The following SRSF10 variants were observed in gnomAD, a reference collection of about 807,000 sequenced individuals.
The protein encoded by SRSF10 is serine and arginine rich splicing factor 10, also known as serine/arginine-rich splicing factor 10.
A neutral mutation model predicts 32.6 loss-of-function variants in SRSF10; 9 were observed. That is an observed-to-expected ratio of 0.28 (90% CI 0.17 to 0.48). SRSF10 has a LOEUF of 0.48. SRSF10 is among the 20% of genes least tolerant of loss of function. The pLI, the probability that SRSF10 is intolerant of heterozygous loss-of-function variation, is 0.99. For missense variants in SRSF10, 201 were observed against 331.8 expected, an observed-to-expected ratio of 0.61 and a Z score of 3.06; for synonymous variants, 105 against 112.4, an observed-to-expected ratio of 0.93 and a Z score of 0.42.
In SRSF10 at chr1:23,970,716, C is replaced by G. The variant is rs1641706255; in HGVS notation, c.*426G>C. On this transcript the variant is annotated 3_prime_UTR_variant, in exon 6 of 6. Transcript: ENST00000492112. Reference sequence around the variant, plus strand: ...CACCCTGAACCTAAATGTGTCTGAGCAGTCAGTGTTGTACTGTGGCTACTA... The same window carrying G: ...CACCCTGAACCTAAATGTGTCTGAGGAGTCAGTGTTGTACTGTGGCTACTA... 1 of 990,718 alleles carries G rather than the reference C, an allele frequency of 1.0e-6. No individual in the cohort carries two copies. The highest frequency in any genetic ancestry group is 1.2e-6 in the Non-Finnish European group (1 of 833,626). 61.4% of individuals were successfully genotyped at this position (990,718 alleles called of 1,614,324 possible).
At chr1:23,978,966 T>A in intron 1 of SRSF10, 149 bp from the exon 2 acceptor site, 1 of 552,376 alleles carries the variant, frequency 1.8e-6, no homozygotes, top group Admixed American at 3.4e-5. Context: ...CAGACATATG[T>A]ATGGTACAAG....
intron 2 of SRSF10, 171 bp downstream of exon 2, chr1:23,978,542 A>G: frequency 1.2e-6 from 1 of 865,380 alleles, no homozygotes; most frequent in Non-Finnish European, 1.6e-6. Flanking sequence ...CCATTTTTGG[A>G]TTAACTTTAA....
chr1:23,979,941 G>A (rs1437961455), intron 1 of SRSF10, among the ~76,000 whole-genome samples: 2 of 152,220 alleles, frequency 1.3e-5, no homozygotes, highest in Middle Eastern at 3.4e-3. Flanking sequence ...GGGAGAAAGG[G>A]GCTGCAAACT....
At chr1:23,980,143 C>A (rs1335160687) in intron 1 of SRSF10, 48 bp downstream of exon 1, 1 of 1,518,422 alleles carries the variant, frequency 6.6e-7, no homozygotes, top group Non-Finnish European at 8.8e-7. Flanking sequence ...CCTCTCCAGG[C>A]GCCTGCGGCC....
In SRSF10 at chr1:23,969,844, T is replaced by C. The variant is rs1641638134; in HGVS notation, c.*1298A>G. ...CCTTTTCCCCAAATTACCTTAAATT[T>C]CATGGCACCACAGAATCACCTAGAA... On this transcript the variant is annotated 3_prime_UTR_variant, in exon 6 of 6. Transcript: ENST00000492112. 2.0e-6 allele frequency: 2 copies of C among 985,416 alleles called. No individual in the cohort carries two copies. Among genetic ancestry groups the C allele is most frequent in the South Asian group, 9.4e-5 (2 of 21,282 alleles). The allele number at this position is 985,416 out of a possible 1,614,324, so 61.0% of individuals were successfully genotyped here. A position where few individuals can be genotyped will look rare whatever the true frequency, so the allele number is the denominator to read the frequency against.
intron 2 of SRSF10, chr1:23,976,754 A>ACTCTT (rs1642116219): frequency 6.6e-6 from 1 of 152,242 alleles, no homozygotes; most frequent in Non-Finnish European, 1.5e-5. Context: ...GACAGAAGAG[A>ACTCTT]CAGCAGCAGC....
Position 23,971,178 on chromosome 1 carries a change from TGATCTAGATTTTGACCTA to T in SRSF10, c.735_752del (p.Lys248_Ser253del). On this transcript the variant is annotated inframe_deletion, in exon 6 of 6. Coordinates refer to ENST00000492112, the MANE Select transcript of SRSF10 (RefSeq NM_054016.4). ...TGGACTTAGGACTAGTCCAAGACCT[TGATCTAGATTTTGACCTA>T]GACCTAGACTGTGATCTTGACTGAG... The T allele has an allele frequency of 6.2e-7, 1 of 1,613,710 alleles. No individual in the cohort carries two copies. The highest frequency in any genetic ancestry group is 8.5e-7 in the Non-Finnish European group (1 of 1,179,904).
chr1:23,974,832 C>T, intron 3 of SRSF10, 142 bp downstream of exon 3: 1 of 507,132 alleles, frequency 2.0e-6, no homozygotes, highest in Non-Finnish European at 3.3e-6. Flanking sequence ...GACTCCGTCT[C>T]AAAAAAAAAA....
intron 2 of SRSF10, 99 bp downstream of exon 2, chr1:23,978,614 G>A: frequency 7.2e-7 from 1 of 1,398,562 alleles, no homozygotes; most frequent in Non-Finnish European, 9.4e-7. Flanking sequence ...ACATTTATTA[G>A]AGGACAAAAA....
intron 1 of SRSF10, among the ~76,000 whole-genome samples, chr1:23,979,822 G>C (rs1424629092): frequency 6.6e-6 from 1 of 151,898 alleles, no homozygotes; most frequent in Non-Finnish European, 1.5e-5. Flanking sequence ...AAAAATCTCT[G>C]GGCCAAGGGG....
In SRSF10 at chr1:23,971,273, C is replaced by T; in HGVS notation, c.658G>A (p.Gly220Ser). The T allele has an allele frequency of 6.2e-7, 1 of 1,613,896 alleles. No homozygotes were observed. The highest frequency in any genetic ancestry group is 8.5e-7 in the Non-Finnish European group (1 of 1,179,910). ...KTDSKTHYKS[G>S]SRYEKESRKK... is the part of the protein sequence containing the mutation. ...CTTGATTCCTTTTCATATCTTGAGC[C>T]AGACTTATAATGTGTTTTGGAATCT... Residue 220 changes from glycine to serine, a missense_variant, in exon 6 of 6, where the codon GGC (glycine) becomes AGC (serine). Physicochemically the swap from Gly to Ser is moderately conservative, Grantham distance 56. Coordinates refer to ENST00000492112, the MANE Select transcript of SRSF10 (RefSeq NM_054016.4).
Position 23,969,786 on chromosome 1 carries a change from A to C in SRSF10, c.*1356T>G. 1 of 985,424 alleles carries C rather than the reference A, an allele frequency of 1.0e-6. No homozygotes were observed. Among genetic ancestry groups the C allele is most frequent in the Non-Finnish European group, 1.2e-6 (1 of 829,890 alleles). The allele number at this position is 985,424 out of a possible 1,614,324, so 61.0% of individuals were successfully genotyped here. On this transcript the variant is annotated 3_prime_UTR_variant, in exon 6 of 6. Coordinates refer to ENST00000492112, the MANE Select transcript of SRSF10 (RefSeq NM_054016.4). ...GTACTACACTGATAATCGAAAGCTC[A>C]AAAGATGTGACTCTTGCTTAAAACT... is the stretch of plus-strand genomic sequence containing the variant.
intron 1 of SRSF10, 145 bp downstream of exon 1, chr1:23,980,046 G>A: frequency 1.2e-6 from 1 of 853,752 alleles, no homozygotes; most frequent in Non-Finnish European, 1.7e-6. Context: ...GGCCCGCTGC[G>A]CGGCCTAGTT....
At position 23,964,729 on chromosome 1, in the gene SRSF10, C is replaced by T. The variant is rs1641370226; in HGVS notation, c.*6413G>A. On this transcript the variant is annotated 3_prime_UTR_variant, in exon 6 of 6. Coordinates refer to ENST00000492112, the MANE Select transcript of SRSF10 (RefSeq NM_054016.4). The stretch of plus-strand genomic sequence containing the variant: ...GAGGGACAGAGTGCATCTCTAAAAC[C>T]TCTTACACAAATTAGGAAAAAGTTG... The T allele has an allele frequency of 6.6e-6, 1 of 152,012 alleles. No homozygotes were observed. The highest frequency in any genetic ancestry group is 1.9e-4 in the East Asian group (1 of 5,178). 9.4% of individuals were successfully genotyped at this position (152,012 alleles called of 1,614,324 possible).
In SRSF10 at chr1:23,969,369, G is replaced by A. The variant is rs1165248702; in HGVS notation, c.*1773C>T. 9 of 985,446 alleles carry A rather than the reference G, an allele frequency of 9.1e-6. No homozygotes were observed. The South Asian group carries it at 1.4e-4, about 15-fold the overall frequency. 61.0% of individuals were successfully genotyped at this position (985,446 alleles called of 1,614,324 possible). A position where few individuals can be genotyped will look rare whatever the true frequency, so the allele number is the denominator to read the frequency against. On this transcript the variant is annotated 3_prime_UTR_variant, in exon 6 of 6. Coordinates refer to ENST00000492112, the MANE Select transcript of SRSF10 (RefSeq NM_054016.4). Reference sequence around the variant, plus strand: ...GAAAATCTAAAAAAATTAAAGAAACGTGCATATAAACGATTGCATAGCAGA... The same window carrying A: ...GAAAATCTAAAAAAATTAAAGAAACATGCATATAAACGATTGCATAGCAGA...
chr1:23,966,710 T>C lies in SRSF10; in HGVS notation c.*4432A>G, dbSNP rs1641468016. ...TTGGTGAGGCAGAGTAAACAATTTA[T>C]TATAACTCTAGTATATTACAGTCAC... On this transcript the variant is annotated 3_prime_UTR_variant, in exon 6 of 6. Coordinates refer to ENST00000492112, the MANE Select transcript of SRSF10 (RefSeq NM_054016.4). 1 of 152,034 alleles carries C rather than the reference T, an allele frequency of 6.6e-6. No homozygotes were observed. Among genetic ancestry groups the C allele is most frequent in the Non-Finnish European group, 1.5e-5 (1 of 67,928 alleles). 9.4% of individuals were successfully genotyped at this position (152,034 alleles called of 1,614,324 possible). A position where few individuals can be genotyped will look rare whatever the true frequency, so the allele number is the denominator to read the frequency against.
chr1:23,971,547 G>A, intron 5 of SRSF10, 26 bp downstream of exon 5: 1 of 1,604,394 alleles, frequency 6.2e-7, no homozygotes, highest in Non-Finnish European at 8.5e-7. Flanking sequence ...AAATACATGA[G>A]TCTTTTTCAA....
Position 23,969,667 on chromosome 1 carries a change from G to A in SRSF10, c.*1475C>T. 1.0e-6 allele frequency: 1 copy of A among 984,812 alleles called. No homozygotes were observed. Among genetic ancestry groups the A allele is most frequent in the South Asian group, 4.7e-5 (1 of 21,278 alleles). 61.0% of individuals were successfully genotyped at this position (984,812 alleles called of 1,614,324 possible). A position where few individuals can be genotyped will look rare whatever the true frequency, so the allele number is the denominator to read the frequency against. ...TAGCTTTTTATTCTGAAATGAAATT[G>A]GACATGTCAAGTCACTTTTGTCCCC... On this transcript the variant is annotated 3_prime_UTR_variant, in exon 6 of 6. Transcript: ENST00000492112.
At position 23,970,224 on chromosome 1, in the gene SRSF10, C is replaced by A; in HGVS notation, c.*918G>T. On this transcript the variant is annotated 3_prime_UTR_variant, in exon 6 of 6. Transcript: ENST00000492112. The stretch of plus-strand genomic sequence containing the variant: ...CTATGTTCCAAATCTTCATAGGAAC[C>A]AGAAAAAAAGCAGTGAAGGCTCCAT... The A allele has an allele frequency of 1.0e-6, 1 of 985,160 alleles. No individual in the cohort carries two copies. Among genetic ancestry groups the A allele is most frequent in the African/African-American group, 1.7e-5 (1 of 57,244 alleles). The allele number at this position is 985,160 out of a possible 1,614,324, so 61.0% of individuals were successfully genotyped here. A position where few individuals can be genotyped will look rare whatever the true frequency, so the allele number is the denominator to read the frequency against.
Sources: allele counts gnomAD v4.1 joint callset (sites outside exome capture counted in the v4.1 genomes callset), GRCh38; gene constraint gnomAD v4.1.1; transcripts MANE v1.5; gene names NCBI Gene and HGNC (gene_info 2026-07-23, HGNC 2026-07-21).